The following CAMK2B variants were observed in gnomAD, a reference collection of about 807,000 sequenced individuals.
CAMK2B encodes the protein calcium/calmodulin-dependent protein kinase type II subunit beta.
A neutral mutation model predicts 93.7 loss-of-function variants in CAMK2B; 27 were observed. That is an observed-to-expected ratio of 0.29 (90% CI 0.21 to 0.40). CAMK2B has a LOEUF of 0.40. Ranked by LOEUF, CAMK2B falls within the 10% of genes least tolerant of loss-of-function variation. The probability of loss-of-function intolerance (pLI) is 1.00; values close to 1 mark genes in which losing one functional copy is unlikely to be tolerated. For synonymous variants in CAMK2B, 374 were observed against 358.8 expected (o/e 1.04, Z -0.48); for missense variants, 568 against 895.8 (o/e 0.63, Z 4.67).
rs139509967 is a variant in CAMK2B, at chr7:44,293,043, G to C, written c.66-8818C>G. Among the ~76,000 whole-genome samples the C allele has an allele frequency of 6.5e-4, 98 of 151,652 alleles. 1 individual carries two copies. Among genetic ancestry groups the C allele is most frequent in the African/African-American group, 2.3e-3 (95 of 41,534 alleles). ...CCTCTGCTTTCTGCCCCTCTCAGCAGAGTGGTGTGGCTGCCCCCTTTGGTC... is the reference window on the plus strand; with the variant it reads ...CCTCTGCTTTCTGCCCCTCTCAGCACAGTGGTGTGGCTGCCCCCTTTGGTC... On this transcript the variant is annotated intron_variant, in intron 1 of 23. Transcript: ENST00000395749.
intron 1 of CAMK2B, among the ~76,000 whole-genome samples, chr7:44,306,836 G>C (rs1453550675): frequency 6.8e-6 from 1 of 147,978 alleles, no homozygotes; most frequent in Non-Finnish European, 1.5e-5. Context: ...AGTGTGAGTA[G>C]AATGAGGAGG....
chr7:44,227,731 GGTA>G, intron 19 of CAMK2B, among the ~76,000 whole-genome samples: 1 of 13,298 alleles, frequency 7.5e-5, no homozygotes, highest in Non-Finnish European at 1.3e-4. Context: ...GGGACAGAGG[GGTA>G]TATGGGGGAC....
In CAMK2B at chr7:44,226,623, AG is replaced by A. The variant is rs2096483333; in HGVS notation, c.1489del (p.Leu497Ter). ...CCCTGAGCCCCTCCTCACAGAGTTC[AG>A]GATGTCAGAGATCCTGGGGGCTGGG... ...SSPSPRISDI[L>X]NSVRRGSGTP... On this transcript the variant is annotated frameshift_variant, in exon 20 of 24. Transcript: ENST00000395749. LOFTEE classifies it high-confidence loss of function. 29 of 1,534,176 alleles carry A rather than the reference AG, an allele frequency of 1.9e-5. No individual in the cohort carries two copies. In the East Asian group the frequency reaches 7.6e-4, roughly 40 times the overall value.
At chr7:44,232,383 G>A (rs949254318) in intron 16 of CAMK2B, among the ~76,000 whole-genome samples, 8 of 152,202 alleles carry the variant, frequency 5.3e-5, no homozygotes, top group African/African-American at 1.9e-4. Context: ...GATGGGAGCT[G>A]ATGGCCAGAG....
intron 6 of CAMK2B, among the ~76,000 whole-genome samples, chr7:44,245,631 G>A (rs534119227): frequency 1.9e-4 from 29 of 152,310 alleles, no homozygotes; most frequent in South Asian, 6.2e-4. Context: ...TCCCAGAGGC[G>A]CCTGAGTGAG....
chr7:44,319,867 C>T (rs568924070), intron 1 of CAMK2B, among the ~76,000 whole-genome samples: 1 of 152,154 alleles, frequency 6.6e-6, no homozygotes, highest in Admixed American at 6.5e-5. Flanking sequence ...AAGTGTTGGG[C>T]AAACAGATTG....
intron 20 of CAMK2B, among the ~76,000 whole-genome samples, chr7:44,222,538 C>T (rs1024755780): frequency 1.3e-5 from 2 of 151,948 alleles, no homozygotes; most frequent in African/African-American, 4.8e-5. Context: ...CAGGTTCAAG[C>T]GATTCTCCTG....
intron 6 of CAMK2B, chr7:44,245,019 CATGGA>C (rs1325421654): frequency 2.2e-6 from 1 of 455,154 alleles, no homozygotes; most frequent in East Asian, 7.0e-5. Context: ...CGTGCAGCTA[CATGGA>C]GAAGTTGGAC....
Position 44,226,633 on chromosome 7 carries a change from A to G in CAMK2B, c.1480T>C (p.Ser494Pro). ...GPLSSPSPRI[S>P]DILNSVRRGS... ...CTCCTCACAGAGTTCAGGATGTCAG[A>G]GATCCTGGGGGCTGGGGCGGAACAG... Residue 494 changes from serine (S) to proline (P), a missense_variant, in exon 20 of 24, where the codon TCT (serine) becomes CCT (proline). Physicochemically the swap from Ser to Pro is moderately conservative, Grantham distance 74 (BLOSUM62 -1). Transcript: ENST00000395749. 1 of 1,538,898 alleles carries G rather than the reference A, an allele frequency of 6.5e-7. No homozygotes were observed. The highest frequency in any genetic ancestry group is 8.7e-7 in the Non-Finnish European group (1 of 1,151,264).
At chr7:44,279,404 C>T (rs1379220734) in intron 2 of CAMK2B, among the ~76,000 whole-genome samples, 2 of 152,338 alleles carry the variant, frequency 1.3e-5, no homozygotes, top group East Asian at 1.9e-4. Context: ...GTGTACAACT[C>T]GAGGCAAAGC....
intron 1 of CAMK2B, among the ~76,000 whole-genome samples, chr7:44,293,235 C>T (rs1184785628): frequency 3.9e-5 from 6 of 152,264 alleles, no homozygotes; most frequent in Non-Finnish European, 1.5e-5. Flanking sequence ...AGCGCCGGCT[C>T]ATCCTCTGGT....
intron 1 of CAMK2B, among the ~76,000 whole-genome samples, chr7:44,288,561 T>C (rs1785778141): frequency 6.6e-6 from 1 of 152,218 alleles, no homozygotes; most frequent in Non-Finnish European, 1.5e-5. Flanking sequence ...GAAAGCGATT[T>C]TGAATAACCT....
Position 44,285,903 on chromosome 7 carries a change from G to A in CAMK2B, c.66-1678C>T, listed in dbSNP as rs1030988572. 2.0e-5 allele frequency among the ~76,000 whole-genome samples: 3 copies of A among 150,782 alleles called. No individual in the cohort carries two copies. In the East Asian group the frequency reaches 5.9e-4, roughly 30 times the overall value. On this transcript the variant is annotated intron_variant, in intron 1 of 23. Coordinates refer to ENST00000395749, the MANE Select transcript of CAMK2B (RefSeq NM_001220.5). ...GCGCGGCGGGGGGGCACGGTGAGGT[G>A]TTCACTGTTCACTCCGCATTCTCTT...
intron 13 of CAMK2B, among the ~76,000 whole-genome samples, chr7:44,236,392 A>G (rs1562847936): frequency 6.6e-6 from 1 of 152,194 alleles, no homozygotes; most frequent in South Asian, 2.1e-4. Context: ...ACAATTTTGT[A>G]TCCAGCCCAG....
intron 3 of CAMK2B, among the ~76,000 whole-genome samples, chr7:44,261,157 C>A (rs865914250): frequency 2.0e-5 from 3 of 152,266 alleles, no homozygotes; most frequent in Non-Finnish European, 4.4e-5. Context: ...GGCCCACCAA[C>A]GTCCTGCTTC....
At position 44,316,086 on chromosome 7, in the gene CAMK2B, T is replaced by C. The variant is rs186888458; in HGVS notation, c.65+9271A>G. Among the ~76,000 whole-genome samples, 6 of 152,304 alleles carry C rather than the reference T, an allele frequency of 3.9e-5. 1 individual carries two copies. In the East Asian group the frequency reaches 1.2e-3, roughly 29 times the overall value. Reference sequence around the variant, plus strand: ...TAATTGCCCTGGCTAGAATCTCCTATACCGTGCTGCCTAGAAATGGAAAGA... The same window carrying C: ...TAATTGCCCTGGCTAGAATCTCCTACACCGTGCTGCCTAGAAATGGAAAGA... On this transcript the variant is annotated intron_variant, in intron 1 of 23. Transcript: ENST00000395749.
intron 6 of CAMK2B, among the ~76,000 whole-genome samples, chr7:44,245,172 T>C (rs1295837280): frequency 6.6e-6 from 1 of 152,122 alleles, no homozygotes; most frequent in Admixed American, 6.5e-5. Context: ...TAGGAAGCAC[T>C]GGGCAAGAAG....
At chr7:44,296,209 T>G (rs551937946) in intron 1 of CAMK2B, among the ~76,000 whole-genome samples, 4 of 152,244 alleles carry the variant, frequency 2.6e-5, no homozygotes, top group African/African-American at 9.6e-5. Context: ...AAGGCTCTAA[T>G]GGGAGAAGTG....
At chr7:44,249,959 G>T (rs558706972) in intron 5 of CAMK2B, among the ~76,000 whole-genome samples, 1 of 152,292 alleles carries the variant, frequency 6.6e-6, no homozygotes, top group African/African-American at 2.4e-5. Context: ...GGACAGCATT[G>T]GTTCTGCACC....
Sources: gnomAD v4.1 joint callset for allele counts (sites outside exome capture counted in the v4.1 genomes callset) on GRCh38, gnomAD v4.1.1 for gene constraint, MANE v1.5 for transcripts, NCBI Gene and HGNC (gene_info 2026-07-23, HGNC 2026-07-21) for gene names.